PGRMC2: variants seen among roughly 807,000 people sequenced by gnomAD.
PGRMC2 encodes membrane-associated progesterone receptor component 2.
In PGRMC2, 9 loss-of-function variants were observed where a neutral mutation model predicts 19.3. The observed-to-expected ratio is 0.47, with a 90% CI of 0.28 to 0.81. PGRMC2 has a LOEUF of 0.81. PGRMC2 is among the 40% of genes least tolerant of loss of function. The pLI is 0.11. For missense variants in PGRMC2, 289 were observed against 297.3 expected (o/e 0.97, Z 0.21); for synonymous variants, 157 against 124.6 (o/e 1.26, Z -1.73).
chr4:128,287,649 G>C lies in PGRMC2; in HGVS notation c.142C>G (p.Leu48Val). Reference protein sequence around the residue: ...GGWAAAALALLTGGGEMLLNV... With the variant: ...GGWAAAALALVTGGGEMLLNV... Reference sequence around the variant, plus strand: ...AGCAGCATTTCCCCGCCCCCCGTCAGAAGCGCCAACGCCGCCGCCGCCCAG... The same window carrying C: ...AGCAGCATTTCCCCGCCCCCCGTCACAAGCGCCAACGCCGCCGCCGCCCAG... The change falls in exon 1 of 3, where the codon CTG becomes GTG. Residue 48 changes from leucine (L) to valine (V), a missense_variant. Leu to Val is a conservative substitution (Grantham distance 32). Coordinates refer to ENST00000296425, the MANE Select transcript of PGRMC2 (RefSeq NM_006320.6). 1 of 1,534,406 alleles carries C rather than the reference G, an allele frequency of 6.5e-7. No individual in the cohort carries two copies. Among genetic ancestry groups the C allele is most frequent in the South Asian group, 1.2e-5 (1 of 83,860 alleles).
intron 1 of PGRMC2, chr4:128,286,878 CAAA>C (rs34546633): frequency 6.1e-3 from 1,997 of 325,428 alleles, no homozygotes; most frequent in Middle Eastern, 7.5e-3. Context: ...AGATCAGTGG[CAAA>C]AAAAAAAAAA....
intron 1 of PGRMC2, chr4:128,286,891 AAAG>A: frequency 5.1e-6 from 2 of 391,444 alleles, no homozygotes; most frequent in Non-Finnish European, 9.0e-6. Flanking sequence ...AAAAAAAAAA[AAAG>A]GGGGCAAGGA....
intron 1 of PGRMC2, among the ~76,000 whole-genome samples, chr4:128,285,780 C>T (rs1490056115): frequency 1.3e-5 from 2 of 152,158 alleles, no homozygotes; most frequent in Non-Finnish European, 2.9e-5. Context: ...AAATACTGTA[C>T]TTTGGCCCTG....
chr4:128,278,718 A>T (rs759146212), intron 1 of PGRMC2, among the ~76,000 whole-genome samples: 1 of 152,236 alleles, frequency 6.6e-6, no homozygotes, highest in Non-Finnish European at 1.5e-5. Context: ...TTAAGTGCAT[A>T]AAGTCTTTAA....
In PGRMC2 at chr4:128,281,451, A is replaced by G. The variant is rs542164361; in HGVS notation, c.418+5922T>C. 2.6e-5 allele frequency among the ~76,000 whole-genome samples: 4 copies of G among 152,350 alleles called. No individual in the cohort carries two copies. In the Middle Eastern group the frequency reaches 0.014, roughly 518 times the overall value. On this transcript the variant is annotated intron_variant, in intron 1 of 2. Transcript: ENST00000296425. ...CTTAAGGAAATCACTAAAAGGATAG[A>G]AATAGAATACATCCAAATCAGTAGA...
chr4:128,281,956 G>A (rs1760916047), intron 1 of PGRMC2, among the ~76,000 whole-genome samples: 1 of 152,100 alleles, frequency 6.6e-6, no homozygotes, highest in South Asian at 2.1e-4. Context: ...TTTTTCTCGA[G>A]AATCTAACAT....
intron 1 of PGRMC2, among the ~76,000 whole-genome samples, chr4:128,281,464 C>G (rs1409705311): frequency 6.6e-6 from 1 of 151,186 alleles, no homozygotes; most frequent in Non-Finnish European, 1.5e-5. Context: ...TAGAATACAT[C>G]CAAATCAGTA....
chr4:128,287,786 G>C lies in PGRMC2; in HGVS notation c.5C>G (p.Ala2Gly). 6.8e-7 allele frequency: 1 copy of C among 1,481,476 alleles called. No individual in the cohort carries two copies. The highest frequency in any genetic ancestry group is 9.2e-7 in the Non-Finnish European group (1 of 1,082,136). 91.8% of individuals were successfully genotyped at this position (1,481,476 alleles called of 1,614,324 possible). The change falls in exon 1 of 3, where the codon GCG (alanine) becomes GGG (glycine). Residue 2 changes from alanine to glycine, a missense_variant. Ala to Gly is a moderately conservative substitution (Grantham distance 60, BLOSUM62 0). Coordinates refer to ENST00000296425, the MANE Select transcript of PGRMC2 (RefSeq NM_006320.6). Reference protein sequence around the residue: MAAGDGDVKLGT... With the variant: MGAGDGDVKLGT... ...TAGCTTCACGTCCCCATCACCAGCC[G>C]CCATCACTGCCCGCCAGCGCCTTCC...
At chr4:128,272,766 A>G (rs1211736552) in intron 1 of PGRMC2, 1 of 314,558 alleles carries the variant, frequency 3.2e-6, no homozygotes, top group Non-Finnish European at 5.7e-6. Flanking sequence ...AATTTCAATT[A>G]CTTCAGATAT....
intron 1 of PGRMC2, among the ~76,000 whole-genome samples, chr4:128,277,106 G>T (rs1760825660): frequency 6.6e-6 from 1 of 152,126 alleles, no homozygotes; most frequent in Non-Finnish European, 1.5e-5. Context: ...GCAGTGAGCT[G>T]AGATCTCGCC....
In PGRMC2 at chr4:128,272,482, A is replaced by T. The variant is rs1182783559; in HGVS notation, c.454T>A (p.Ser152Thr). Reference sequence around the variant, plus strand: ...AGGCAAAATGTGGCCAGTCCTCTGGAGGCATCCCTACCAGCAAATATTCCA... The same window carrying T: ...AGGCAAAATGTGGCCAGTCCTCTGGTGGCATCCCTACCAGCAAATATTCCA... ...PYGIFAGRDA[S>T]RGLATFCLDK... Residue 152 changes from serine (S) to threonine (T), a missense_variant, in exon 2 of 3, where the codon TCC (serine) becomes ACC (threonine). Physicochemically the swap from Ser to Thr is moderately conservative, Grantham distance 58. Coordinates refer to ENST00000296425, the MANE Select transcript of PGRMC2 (RefSeq NM_006320.6). 1 of 1,545,372 alleles carries T rather than the reference A, an allele frequency of 6.5e-7. No individual in the cohort carries two copies. The highest frequency in any genetic ancestry group is 8.7e-7 in the Non-Finnish European group (1 of 1,148,164).
intron 1 of PGRMC2, among the ~76,000 whole-genome samples, chr4:128,276,322 T>A (rs1254708666): frequency 6.6e-6 from 1 of 151,472 alleles, no homozygotes; most frequent in Non-Finnish European, 1.5e-5. Context: ...TTGCATGGTA[T>A]AATTTATTTA....
chr4:128,275,117 A>C (rs1472655647), intron 1 of PGRMC2, among the ~76,000 whole-genome samples: 1 of 152,344 alleles, frequency 6.6e-6, no homozygotes, highest in South Asian at 2.1e-4. Context: ...CAAGGGAATG[A>C]AAATTTTAGA....
At chr4:128,280,372 A>AC (rs1760889903) in intron 1 of PGRMC2, among the ~76,000 whole-genome samples, 3 of 150,466 alleles carry the variant, frequency 2.0e-5, no homozygotes, top group South Asian at 2.1e-4. Context: ...AAAAAAAAAA[A>AC]AAAGGACAAT....
intron 1 of PGRMC2, among the ~76,000 whole-genome samples, chr4:128,282,850 G>A (rs1049640116): frequency 2.0e-5 from 3 of 152,210 alleles, no homozygotes; most frequent in Admixed American, 6.5e-5. Context: ...AGTTTAAAAT[G>A]GAGGAAAAAC....
rs1299450044 is a variant in PGRMC2 at position 128,270,440 on chromosome 4, A to C, written c.*876T>G. The C allele has an allele frequency of 6.6e-6, 1 of 152,630 alleles. No individual in the cohort carries two copies. Among genetic ancestry groups the C allele is most frequent in the Non-Finnish European group, 1.5e-5 (1 of 68,042 alleles). 9.5% of individuals were successfully genotyped at this position (152,630 alleles called of 1,614,324 possible). On this transcript the variant is annotated 3_prime_UTR_variant, in exon 3 of 3. Coordinates refer to ENST00000296425, the MANE Select transcript of PGRMC2 (RefSeq NM_006320.6). ...TACATATATGGCAGTTAACACTGTA[A>C]TATTCCTTTTACATTCTATATACAC... is the stretch of plus-strand genomic sequence containing the variant.
rs573634086 is a variant in PGRMC2 at position 128,287,780 on chromosome 4, C to A, written c.11G>T (p.Gly4Val). MAA[G>V]DGDVKLGTLG... The stretch of plus-strand genomic sequence containing the variant: ...GGTGCCTAGCTTCACGTCCCCATCA[C>A]CAGCCGCCATCACTGCCCGCCAGCG... Residue 4 changes from glycine to valine, a missense_variant, in exon 1 of 3, where the codon GGT becomes GTT. Physicochemically the swap from Gly to Val is moderately radical, Grantham distance 109. Coordinates refer to ENST00000296425, the MANE Select transcript of PGRMC2 (RefSeq NM_006320.6). 57 of 1,487,582 alleles carry A rather than the reference C, an allele frequency of 3.8e-5. No homozygotes were observed. In the East Asian group the frequency reaches 1.2e-3, roughly 30 times the overall value. The allele number at this position is 1,487,582 out of a possible 1,614,324, so 92.1% of individuals were successfully genotyped here.
At chr4:128,274,043 T>C (rs1760770091) in intron 1 of PGRMC2, among the ~76,000 whole-genome samples, 1 of 152,238 alleles carries the variant, frequency 6.6e-6, no homozygotes, top group Non-Finnish European at 1.5e-5. Context: ...TTATTTATCA[T>C]TGAATGGTTA....
In PGRMC2 at chr4:128,271,145, A is replaced by C. The variant is rs1014508881; in HGVS notation, c.*171T>G. 6 of 447,994 alleles carry C rather than the reference A, an allele frequency of 1.3e-5. No homozygotes were observed. Among genetic ancestry groups the C allele is most frequent in the Non-Finnish European group, 2.0e-5 (5 of 249,924 alleles). 27.8% of individuals were successfully genotyped at this position (447,994 alleles called of 1,614,324 possible). A position where few individuals can be genotyped will look rare whatever the true frequency, so the allele number is the denominator to read the frequency against. On this transcript the variant is annotated 3_prime_UTR_variant, in exon 3 of 3. Transcript: ENST00000296425. Reference sequence around the variant, plus strand: ...AACTGCAACAAATGAGTTTGGCAGCATAAATAATGTCTAGTTATTCAAATC... The same window carrying C: ...AACTGCAACAAATGAGTTTGGCAGCCTAAATAATGTCTAGTTATTCAAATC...
Sources: gnomAD v4.1 joint callset for allele counts (sites outside exome capture counted in the v4.1 genomes callset) on GRCh38, gnomAD v4.1.1 for gene constraint, MANE v1.5 for transcripts, NCBI Gene and HGNC (gene_info 2026-07-23, HGNC 2026-07-21) for gene names.